TCHP: variants seen among roughly 807,000 people sequenced by gnomAD.
The protein encoded by TCHP is trichoplein keratin filament binding, also known as trichoplein keratin filament-binding protein.
In TCHP, 81 loss-of-function variants were observed where a neutral mutation model predicts 88.7. The observed-to-expected ratio is 0.91, with a 90% confidence interval of 0.76 to 1.10. TCHP has a LOEUF of 1.10. TCHP is among the 50% of genes least tolerant of loss of function. The probability of loss-of-function intolerance (pLI) is 0.00; values close to 1 mark genes in which losing one functional copy is unlikely to be tolerated. For synonymous variants in TCHP, 232 were observed against 232.5 expected (o/e 1.00, Z 0.02); for missense variants, 641 against 632.1 (o/e 1.01, Z -0.15).
the TCHP span, among the ~76,000 whole-genome samples, chr12:109,882,842 A>AG: frequency 2.0e-5 from 3 of 151,098 alleles, no homozygotes; most frequent in African/African-American, 7.3e-5. Flanking sequence ...TATTTTTAGT[A>AG]GAGATGGGGT....
At chr12:109,915,693 TC>T in intron 12 of TCHP, 147 bp downstream of exon 12, 2 of 1,062,500 alleles carry the variant, frequency 1.9e-6, no homozygotes, top group South Asian at 3.4e-5. Flanking sequence ...TGTATTTCTC[TC>T]TTCCCTGACC....
intron 8 of TCHP, among the ~76,000 whole-genome samples, chr12:109,909,300 A>T (rs1870348351): frequency 6.6e-6 from 1 of 152,200 alleles, no homozygotes; most frequent in South Asian, 2.1e-4. Context: ...TCAAAACATC[A>T]AATTATTTTT....
chr12:109,911,849 T>C (rs1294051995), intron 9 of TCHP, among the ~76,000 whole-genome samples: 1 of 151,680 alleles, frequency 6.6e-6, no homozygotes, highest in African/African-American at 2.4e-5. Flanking sequence ...CAGGCTGGAG[T>C]GCAGTGGCAT....
At position 109,910,967 on chromosome 12, in the gene TCHP, A is replaced by ATG. The variant is rs1870448054; in HGVS notation, c.880-94_880-93dup. The stretch of plus-strand genomic sequence containing the variant: ...ACACTGTGTAGAATCACGAATGTCT[A>ATG]TGTAGAAAGGAAAGGGAGGGCAGGC... On this transcript the variant is annotated intron_variant, in intron 8 of 12. Transcript: ENST00000405876. 2.1e-6 allele frequency: 3 copies of ATG among 1,410,114 alleles called. No individual in the cohort carries two copies. The South Asian group carries it at 4.7e-5, about 22-fold the overall frequency. The allele number at this position is 1,410,114 out of a possible 1,614,324, so 87.4% of individuals were successfully genotyped here.
chr12:109,885,832 C>T, the TCHP span, among the ~76,000 whole-genome samples: 2 of 151,636 alleles, frequency 1.3e-5, no homozygotes, highest in South Asian at 4.2e-4. Context: ...GGCTGGAATG[C>T]AGTGGTGCAA....
the TCHP span, among the ~76,000 whole-genome samples, chr12:109,883,041 CT>C: frequency 0.014 from 1,898 of 136,904 alleles, 16 homozygotes; most frequent in African/African-American, 0.029. Flanking sequence ...TTTTTTTTTT[CT>C]TTTTTTTTTT....
At position 109,916,738 on chromosome 12, in the gene TCHP, C is replaced by A. The variant is rs146125935; in HGVS notation, c.*115C>A. The A allele has an allele frequency of 1.1e-6, 1 of 922,150 alleles. No individual in the cohort carries two copies. The highest frequency in any genetic ancestry group is 1.7e-6 in the Non-Finnish European group (1 of 595,502). The allele number at this position is 922,150 out of a possible 1,614,324, so 57.1% of individuals were successfully genotyped here. A position where few individuals can be genotyped will look rare whatever the true frequency, so the allele number is the denominator to read the frequency against. On this transcript the variant is annotated 3_prime_UTR_variant, in exon 13 of 13. Coordinates refer to ENST00000405876, the MANE Select transcript of TCHP (RefSeq NM_001143852.2). ...AAGTGCCCGGGGCACTGTCAGATGG[C>A]TCAGCAGTGCCTGCTCAGGTTCATC...
rs546720925 is a variant in TCHP at position 109,917,690 on chromosome 12, G to A, written c.*1067G>A. 3.9e-5 allele frequency: 6 copies of A among 152,642 alleles called. 1 individual carries two copies. The highest frequency in any genetic ancestry group is 1.4e-4 in the African/African-American group (6 of 41,520). The allele number at this position is 152,642 out of a possible 1,614,324, so 9.5% of individuals were successfully genotyped here. A position where few individuals can be genotyped will look rare whatever the true frequency, so the allele number is the denominator to read the frequency against. On this transcript the variant is annotated 3_prime_UTR_variant, in exon 13 of 13. Transcript: ENST00000405876. Reference sequence around the variant, plus strand: ...AGGTCTACATTCATTTCTACAAACAGGAACAAGTTCCTTGCAGCAATAATA... The same window carrying A: ...AGGTCTACATTCATTTCTACAAACAAGAACAAGTTCCTTGCAGCAATAATA...
At chr12:109,888,878 G>C in the TCHP span, among the ~76,000 whole-genome samples, 4 of 152,000 alleles carry the variant, frequency 2.6e-5, no homozygotes, top group Non-Finnish European at 4.4e-5. Context: ...GCAAAATCAA[G>C]GTGTTGGCTA....
rs201132176 is a variant in TCHP at position 109,911,105 on chromosome 12, G to T, written c.922G>T (p.Asp308Tyr). 96 of 1,597,088 alleles carry T rather than the reference G, an allele frequency of 6.0e-5. No individual in the cohort carries two copies. The East Asian group carries it at 2.1e-3, about 34-fold the overall frequency. Reference protein sequence around the residue: ...RILQALLEKEDESQRLHLARR... With the variant: ...RILQALLEKEYESQRLHLARR... ...CCTGCAGGCCCTCCTCGAGAAGGAG[G>T]ACGAGAGCCAGCGCCTCCACCTGGC... The change falls in exon 9 of 13, where the codon GAC (aspartate) becomes TAC (tyrosine). Residue 308 changes from aspartate (D) to tyrosine (Y), a missense_variant. Transcript: ENST00000405876.
rs1285814241 is a variant in TCHP at position 109,914,639 on chromosome 12, C to T, written c.1320+12C>T. 4 of 1,604,822 alleles carry T rather than the reference C, an allele frequency of 2.5e-6. No individual in the cohort carries two copies. The highest frequency in any genetic ancestry group is 3.4e-6 in the Non-Finnish European group (4 of 1,176,764). On this transcript the variant is annotated intron_variant, in intron 11 of 12. Coordinates refer to ENST00000405876, the MANE Select transcript of TCHP (RefSeq NM_001143852.2). ...AGCTGGAAGCCCAGGTAGGGCTGAG[C>T]CCAAGGGCGGGAGGCACCGGGCCTG...
At chr12:109,890,440 C>A in the TCHP span, among the ~76,000 whole-genome samples, 2 of 151,794 alleles carry the variant, frequency 1.3e-5, no homozygotes, top group African/African-American at 4.8e-5. Flanking sequence ...CACTGCACTG[C>A]AGCCTGGGTG....
Position 109,905,049 on chromosome 12 carries a change from A to C in TCHP, c.456+256A>C, listed in dbSNP as rs781654277. 2.4e-5 allele frequency: 12 copies of C among 493,144 alleles called. No homozygotes were observed. The highest frequency in any genetic ancestry group is 4.0e-5 in the Non-Finnish European group (11 of 275,970). The allele number at this position is 493,144 out of a possible 1,614,324, so 30.5% of individuals were successfully genotyped here. A position where few individuals can be genotyped will look rare whatever the true frequency, so the allele number is the denominator to read the frequency against. On this transcript the variant is annotated intron_variant, in intron 4 of 12. Transcript: ENST00000405876. This position sits in a 1 kb window ranked among gnomAD's most constrained non-coding sequence, Gnocchi z 4.0. The stretch of plus-strand genomic sequence containing the variant: ...TGGAGATTAGACATGGTTTCTGCTC[A>C]TTAGCTTGTGTCCAGCATGGGAGCT...
intron 5 of TCHP, 126 bp from the exon 6 acceptor site, chr12:109,907,400 G>T (rs1445021836): frequency 1.1e-6 from 1 of 927,782 alleles, no homozygotes; most frequent in African/African-American, 1.7e-5. Context: ...GCGTCTGAGG[G>T]CGTTGTCATT....
chr12:109,916,651 C>G lies in TCHP; in HGVS notation c.*28C>G. On this transcript the variant is annotated 3_prime_UTR_variant, in exon 13 of 13. Transcript: ENST00000405876. ...TCATGGGTACCATAAGTACAGAGAACAAGGGATGCTGAGGCTTCTGATCCC... is the reference window on the plus strand; with the variant it reads ...TCATGGGTACCATAAGTACAGAGAAGAAGGGATGCTGAGGCTTCTGATCCC... 2 of 1,610,662 alleles carry G rather than the reference C, an allele frequency of 1.2e-6. No individual in the cohort carries two copies.
Position 109,908,621 on chromosome 12 carries a change from G to A in TCHP, c.735G>A (p.Leu245=). 2 of 1,603,124 alleles carry A rather than the reference G, an allele frequency of 1.2e-6. No homozygotes were observed. Among genetic ancestry groups the A allele is most frequent in the Non-Finnish European group, 8.5e-7 (1 of 1,176,140 alleles). Residue 245 remains leucine (L), a synonymous_variant, in exon 7 of 13, where the codon TTG becomes TTA. Coordinates refer to ENST00000405876, the MANE Select transcript of TCHP (RefSeq NM_001143852.2). ...TKLKKEQENL[L]KQRWELERLE... ...TAAAGAAGGAGCAGGAGAATCTGTTGAAGCAGCGGTGGGAGCTAGAGAGGC... is the reference window on the plus strand; with the variant it reads ...TAAAGAAGGAGCAGGAGAATCTGTTAAAGCAGCGGTGGGAGCTAGAGAGGC...
At chr12:109,889,770 AC>A in the TCHP span, among the ~76,000 whole-genome samples, 1 of 152,106 alleles carries the variant, frequency 6.6e-6, no homozygotes, top group Non-Finnish European at 1.5e-5. Flanking sequence ...AGTTATTTCT[AC>A]CCAGGACTGG....
chr12:109,904,775 C>T lies in TCHP; in HGVS notation c.438C>T (p.Asn146=). ...TTTTGTACGAACACTGGAAAAAGAA[C>T]AACCCGAAACTTCGAGAGGTGAAAA... The part of the protein sequence containing the change: ...EQLLYEHWKK[N]NPKLREMELD... The change falls in exon 4 of 13, where the codon AAC becomes AAT. Residue 146 remains asparagine (N), a synonymous_variant. Coordinates refer to ENST00000405876, the MANE Select transcript of TCHP (RefSeq NM_001143852.2). 6.2e-7 allele frequency: 1 copy of T among 1,613,506 alleles called. No homozygotes were observed. The highest frequency in any genetic ancestry group is 2.2e-5 in the East Asian group (1 of 44,874).
chr12:109,897,878 T>C (rs924909353), upstream of TCHP, among the ~76,000 whole-genome samples: 1 of 152,102 alleles, frequency 6.6e-6, no homozygotes, highest in African/African-American at 2.4e-5. Context: ...GTTTATGAAG[T>C]TCCTGTCGAC....
Sources: allele counts gnomAD v4.1 joint callset (sites outside exome capture counted in the v4.1 genomes callset), GRCh38; gene constraint gnomAD v4.1.1; non-coding constraint Gnocchi (gnomAD v3.1); transcripts MANE v1.5; gene names NCBI Gene and HGNC (gene_info 2026-07-23, HGNC 2026-07-21).